CORO6: variants seen among roughly 807,000 people sequenced by gnomAD.
CORO6 encodes the protein coronin 6.
In CORO6, 43 loss-of-function variants were observed where a neutral mutation model predicts 49.0. The ratio of observed to expected loss-of-function variants is 0.88; its 90% CI spans 0.69 to 1.13. The LOEUF (loss-of-function observed/expected upper bound fraction) is 1.13, where lower values mean the gene tolerates loss of function less well. Ranked by LOEUF, CORO6 falls within the 50% of genes most tolerant of loss-of-function variation. The pLI, the probability that CORO6 is intolerant of heterozygous loss-of-function variation, is 0.00. For synonymous variants in CORO6, 233 were observed against 256.5 expected (o/e 0.91, Z 0.88); for missense variants, 650 against 647.0 (o/e 1.00, Z -0.05).
rs1342417352 is a variant in CORO6, at chr17:29,614,784, T to C, written c.*948A>G. 1 of 152,484 alleles carries C rather than the reference T, an allele frequency of 6.6e-6. No individual in the cohort carries two copies. Among genetic ancestry groups the C allele is most frequent in the South Asian group, 2.1e-4 (1 of 4,832 alleles). 9.4% of individuals were successfully genotyped at this position (152,484 alleles called of 1,614,324 possible). ...GGAGGCTTTTGCTACCTAACTTTAC[T>C]TGGGGGGAACGCCTACGGTGTGGGT... On this transcript the variant is annotated 3_prime_UTR_variant, in exon 11 of 11. Coordinates refer to ENST00000388767, the MANE Select transcript of CORO6 (RefSeq NM_032854.4).
intron 2 of CORO6, among the ~76,000 whole-genome samples, chr17:29,620,380 C>T (rs1290597591): frequency 6.6e-6 from 1 of 152,188 alleles, no homozygotes; most frequent in Admixed American, 6.5e-5. Context: ...GAGAGGGTGG[C>T]TATGTGGTAC....
At position 29,621,886 on chromosome 17, in the gene CORO6, G is replaced by T. The variant is rs892882666; in HGVS notation, c.-63-402C>A. 5.4e-6 allele frequency: 1 copy of T among 184,962 alleles called. No individual in the cohort carries two copies. Among genetic ancestry groups the T allele is most frequent in the Middle Eastern group, 2.3e-3 (1 of 434 alleles). The allele number at this position is 184,962 out of a possible 1,614,324, so 11.5% of individuals were successfully genotyped here. A position where few individuals can be genotyped will look rare whatever the true frequency, so the allele number is the denominator to read the frequency against. On this transcript the variant is annotated intron_variant, in intron 1 of 10. Coordinates refer to ENST00000388767, the MANE Select transcript of CORO6 (RefSeq NM_032854.4). This position sits in a 1 kb window ranked among gnomAD's most constrained non-coding sequence, Gnocchi z 4.2. The stretch of plus-strand genomic sequence containing the variant: ...GCAGAAGACTTGACCATTGGATCTT[G>T]GCTTAAAGCCAGGTATGGGGCCAAG...
intron 5 of CORO6, chr17:29,618,463 C>T: frequency 7.8e-7 from 1 of 1,289,088 alleles, no homozygotes; most frequent in Admixed American, 3.8e-5. Context: ...GAGAGGGGTC[C>T]AGGAGCTCAG....
Position 29,621,601 on chromosome 17 carries a change from T to C in CORO6, c.-63-117A>G. ...AAGCAGGGAGCTTTCTTCAAGGTGG[T>C]CAAAGTATGGGAAAGTTATTTTGCT... On this transcript the variant is annotated intron_variant, in intron 1 of 10. Coordinates refer to ENST00000388767, the MANE Select transcript of CORO6 (RefSeq NM_032854.4). The surrounding 1 kb of genome is among the most constrained non-coding windows in gnomAD (Gnocchi z 4.2). The C allele has an allele frequency of 9.0e-7, 1 of 1,113,752 alleles. No homozygotes were observed. The highest frequency in any genetic ancestry group is 1.2e-6 in the Non-Finnish European group (1 of 800,712). 69.0% of individuals were successfully genotyped at this position (1,113,752 alleles called of 1,614,324 possible).
At position 29,622,775 on chromosome 17, in the gene CORO6, G is replaced by T; in HGVS notation, c.-151C>A. The T allele has an allele frequency of 7.6e-7, 1 of 1,322,082 alleles. No homozygotes were observed. 81.9% of individuals were successfully genotyped at this position (1,322,082 alleles called of 1,614,324 possible). Reference sequence around the variant, plus strand: ...CGTAGGGGGCCGAGGAAGGCTTCAGGGCGAAGGAGCCACCTCTCCGGGTGT... The same window carrying T: ...CGTAGGGGGCCGAGGAAGGCTTCAGTGCGAAGGAGCCACCTCTCCGGGTGT... On this transcript the variant is annotated 5_prime_UTR_variant, in exon 1 of 11. Transcript: ENST00000388767.
At position 29,622,890 on chromosome 17, in the gene CORO6, C is replaced by A. The variant is rs759626347; in HGVS notation, c.-266G>T. On this transcript the variant is annotated 5_prime_UTR_variant, in exon 1 of 11. Transcript: ENST00000388767. The stretch of plus-strand genomic sequence containing the variant: ...CCGGCGCCGCTGCAGCCCCAGCTGC[C>A]GCTGCCATCAACCTAAGAGGGCGGG... 2.4e-6 allele frequency: 3 copies of A among 1,273,866 alleles called. No homozygotes were observed. The highest frequency in any genetic ancestry group is 2.0e-6 in the Non-Finnish European group (2 of 979,090). The allele number at this position is 1,273,866 out of a possible 1,614,324, so 78.9% of individuals were successfully genotyped here.
chr17:29,621,114 C>A lies in CORO6; in HGVS notation c.198+110G>T. On this transcript the variant is annotated intron_variant, in intron 2 of 10. Coordinates refer to ENST00000388767, the MANE Select transcript of CORO6 (RefSeq NM_032854.4). This position sits in a 1 kb window ranked among gnomAD's most constrained non-coding sequence, Gnocchi z 4.2. Reference sequence around the variant, plus strand: ...GGGAATAGGGAGGAGCCAATCCACACAGATGCTTCTCCTGACTATGGAATG... The same window carrying A: ...GGGAATAGGGAGGAGCCAATCCACAAAGATGCTTCTCCTGACTATGGAATG... 7.2e-7 allele frequency: 1 copy of A among 1,391,822 alleles called. No homozygotes were observed. Among genetic ancestry groups the A allele is most frequent in the Non-Finnish European group, 9.8e-7 (1 of 1,020,028 alleles). 86.2% of individuals were successfully genotyped at this position (1,391,822 alleles called of 1,614,324 possible). A position where few individuals can be genotyped will look rare whatever the true frequency, so the allele number is the denominator to read the frequency against.
chr17:29,619,749 G>T lies in CORO6; in HGVS notation c.223C>A (p.Pro75Thr). 2 of 1,613,320 alleles carry T rather than the reference G, an allele frequency of 1.2e-6. No homozygotes were observed. Among genetic ancestry groups the T allele is most frequent in the Non-Finnish European group, 1.7e-6 (2 of 1,179,362 alleles). Residue 75 changes from proline (P) to threonine (T), a missense_variant, in exon 3 of 11, where the codon CCA (proline) becomes ACA (threonine). Physicochemically the swap from Pro to Thr is conservative, Grantham distance 38 (BLOSUM62 -1). Coordinates refer to ENST00000388767, the MANE Select transcript of CORO6 (RefSeq NM_032854.4). ...AKTGRVDKNY[P>T]LVTGHTAPVL... The stretch of plus-strand genomic sequence containing the variant: ...GGGGCAGTGTGCCCAGTGACCAGTG[G>T]GTAGTTCTTATCCACTCGCCCTGTC...
In CORO6 at chr17:29,621,718, C is replaced by T. The variant is rs758660541; in HGVS notation, c.-63-234G>A. The T allele has an allele frequency of 1.3e-4, 54 of 423,826 alleles. No individual in the cohort carries two copies. Among genetic ancestry groups the T allele is most frequent in the Non-Finnish European group, 2.0e-4 (47 of 230,972 alleles). 26.3% of individuals were successfully genotyped at this position (423,826 alleles called of 1,614,324 possible). A position where few individuals can be genotyped will look rare whatever the true frequency, so the allele number is the denominator to read the frequency against. On this transcript the variant is annotated intron_variant, in intron 1 of 10. Transcript: ENST00000388767. This position sits in a 1 kb window ranked among gnomAD's most constrained non-coding sequence, Gnocchi z 4.2. ...TGAGGGGATTGTGGAGCCTAACAGACTGAAAGCTTTCTGGACGTTGGAATG... is the reference window on the plus strand; with the variant it reads ...TGAGGGGATTGTGGAGCCTAACAGATTGAAAGCTTTCTGGACGTTGGAATG...
rs746282111 is a variant in CORO6, at chr17:29,617,011, T to A, written c.785A>T (p.Glu262Val). Residue 262 changes from glutamate to valine, a missense_variant, in exon 7 of 11, where the codon GAG (glutamate) becomes GTG (valine). Coordinates refer to ENST00000388767, the MANE Select transcript of CORO6 (RefSeq NM_032854.4). ...TAGGACCCCGTTGCTTGTGTCCATC[T>A]CCTGCAGTGCCACTGGCTCCTCGAA... is the stretch of plus-strand genomic sequence containing the variant. ...NNFEEPVALQ[E>V]MDTSNGVLLP... is the part of the protein sequence containing the mutation. 1.2e-5 allele frequency: 19 copies of A among 1,613,604 alleles called. No individual in the cohort carries two copies. The African/African-American group carries it at 2.5e-4, about 22-fold the overall frequency.
At chr17:29,618,004 C>A in intron 5 of CORO6, 2 of 1,423,722 alleles carry the variant, frequency 1.4e-6, no homozygotes, top group Non-Finnish European at 1.8e-6. Context: ...CCCGGCAGAC[C>A]CAGAGAAGGA....
intron 10 of CORO6, 26 bp downstream of exon 10, chr17:29,615,919 C>T (rs1304644283): frequency 1.3e-6 from 2 of 1,581,932 alleles, no homozygotes; most frequent in South Asian, 1.2e-5. Context: ...GTAGATTGGG[C>T]CAGAGTGCAG....
chr17:29,622,571 C>A, intron 1 of CORO6, 117 bp downstream of exon 1: 3 of 478,532 alleles, frequency 6.3e-6, no homozygotes, highest in Non-Finnish European at 9.5e-6. Flanking sequence ...ACACCACGTC[C>A]TCCCCGCCCG....
At position 29,619,702 on chromosome 17, in the gene CORO6, A is replaced by G. The variant is rs781567271; in HGVS notation, c.270T>C (p.Cys90=). 1 of 1,613,200 alleles carries G rather than the reference A, an allele frequency of 6.2e-7. No individual in the cohort carries two copies. The highest frequency in any genetic ancestry group is 1.3e-5 in the African/African-American group (1 of 74,904). Residue 90 remains cysteine (C), a synonymous_variant, in exon 3 of 11, where the codon TGT becomes TGC. Transcript: ENST00000388767. ...HTAPVLDIDW[C]PHNDNVIASA... ...TGGCGATAACGTTGTCATTGTGTGG[A>G]CACCAGTCAATATCCAGCACAGGGG...
Position 29,621,739 on chromosome 17 carries a change from G to T in CORO6, c.-63-255C>A. ...CAGACTGAAAGCTTTCTGGACGTTG[G>T]AATGTTTTTGGGAGGAGCCTCAATG... On this transcript the variant is annotated intron_variant, in intron 1 of 10. Coordinates refer to ENST00000388767, the MANE Select transcript of CORO6 (RefSeq NM_032854.4). The surrounding 1 kb of genome is among the most constrained non-coding windows in gnomAD (Gnocchi z 4.2). The T allele has an allele frequency of 5.6e-6, 2 of 357,144 alleles. No homozygotes were observed. The highest frequency in any genetic ancestry group is 6.5e-5 in the South Asian group (2 of 30,716). The allele number at this position is 357,144 out of a possible 1,614,324, so 22.1% of individuals were successfully genotyped here.
In CORO6 at chr17:29,619,762, C is replaced by A; in HGVS notation, c.210G>T (p.Val70=). Residue 70 remains valine (V), a synonymous_variant, in exon 3 of 11, where the codon GTG becomes GTT. Coordinates refer to ENST00000388767, the MANE Select transcript of CORO6 (RefSeq NM_032854.4). Reference sequence around the variant, plus strand: ...CAGTGACCAGTGGGTAGTTCTTATCCACTCGCCCTGTCTGAGGGGTTGGAG... The same window carrying A: ...CAGTGACCAGTGGGTAGTTCTTATCAACTCGCCCTGTCTGAGGGGTTGGAG... ...IVLPLAKTGR[V]DKNYPLVTGH... 1 of 1,611,146 alleles carries A rather than the reference C, an allele frequency of 6.2e-7. No individual in the cohort carries two copies. The highest frequency in any genetic ancestry group is 1.1e-5 in the South Asian group (1 of 91,004).
chr17:29,617,273 C>CA, intron 6 of CORO6: 1 of 1,533,750 alleles, frequency 6.5e-7, no homozygotes. Flanking sequence ...CACAGCAAAC[C>CA]ACCCCCAGGG....
At position 29,616,807 on chromosome 17, in the gene CORO6, G is replaced by T; in HGVS notation, c.899C>A (p.Pro300Gln). The change falls in exon 8 of 11, where the codon CCG (proline) becomes CAG (glutamine). Residue 300 changes from proline to glutamine, a missense_variant. Physicochemically the swap from Pro to Gln is moderately conservative, Grantham distance 76. Transcript: ENST00000388767. This position sits in a 1 kb window ranked among gnomAD's most constrained non-coding sequence, Gnocchi z 5.6. ...CGTGTTCAGGTAGTGCACGAAAGGCGGCTCGTCGGTAATCTCAAAGTACCG... is the reference window on the plus strand; with the variant it reads ...CGTGTTCAGGTAGTGCACGAAAGGCTGCTCGTCGGTAATCTCAAAGTACCG... Reference protein sequence around the residue: ...SIRYFEITDEPPFVHYLNTFS... With the variant: ...SIRYFEITDEQPFVHYLNTFS... The T allele has an allele frequency of 6.2e-7, 1 of 1,613,756 alleles. No homozygotes were observed. The highest frequency in any genetic ancestry group is 8.5e-7 in the Non-Finnish European group (1 of 1,179,926).
At chr17:29,618,738 C>A (rs897749148) in intron 5 of CORO6, 52 bp downstream of exon 5, 1 of 1,587,214 alleles carries the variant, frequency 6.3e-7, no homozygotes. Flanking sequence ...AGGGTGCTGA[C>A]AGCTGGCCAC....
Sources: allele counts gnomAD v4.1 joint callset (sites outside exome capture counted in the v4.1 genomes callset), GRCh38; gene constraint gnomAD v4.1.1; non-coding constraint Gnocchi (gnomAD v3.1); transcripts MANE v1.5; gene names NCBI Gene and HGNC (gene_info 2026-07-23, HGNC 2026-07-21).